The following TDP2 variants were observed in gnomAD, a reference collection of about 807,000 sequenced individuals.
TDP2 encodes the protein tyrosyl-DNA phosphodiesterase 2.
A neutral mutation model predicts 42.8 loss-of-function variants in TDP2; 38 were observed. That is an observed-to-expected ratio of 0.89 (90% confidence interval 0.68 to 1.16). The LOEUF is 1.16. Ranked by LOEUF, TDP2 falls within the 50% of genes most tolerant of loss-of-function variation. The pLI, the probability that TDP2 is intolerant of heterozygous loss-of-function variation, is 0.00. For synonymous variants in TDP2, 173 were observed against 150.6 expected, an observed-to-expected ratio of 1.15 and a Z score of -1.09; for missense variants, 439 against 439.3, an observed-to-expected ratio of 1.00 and a Z score of 0.01.
rs200729725 is a variant in TDP2 at position 24,650,954 on chromosome 6, G to C, written c.923C>G (p.Thr308Ser). Reference protein sequence around the residue: ...DTQMNSNLGITAACKLRFDRI... With the variant: ...DTQMNSNLGISAACKLRFDRI... ...ATCAAAACGAAGTTTACAAGCAGCA[G>C]TTATTCCAAGATTAGAGTTCATTTG... The change falls in exon 7 of 7, where the codon ACT becomes AGT. Residue 308 changes from threonine (T) to serine (S), a missense_variant. By Grantham distance (58) the Thr-to-Ser change is moderately conservative (BLOSUM62 1). Coordinates refer to ENST00000378198, the MANE Select transcript of TDP2 (RefSeq NM_016614.3). The C allele has an allele frequency of 9.4e-5, 151 of 1,614,138 alleles. 1 individual carries two copies. In the East Asian group the frequency reaches 2.3e-3, roughly 25 times the overall value.
At chr6:24,654,686 G>A (rs969451566) in intron 4 of TDP2, among the ~76,000 whole-genome samples, 156 bp from the exon 5 acceptor site, 8 of 152,052 alleles carry the variant, frequency 5.3e-5, no homozygotes, top group African/African-American at 1.9e-4. Flanking sequence ...AGTTCATCAT[G>A]GCCAAACAAG....
chr6:24,665,966 G>A, intron 2 of TDP2: 1 of 1,047,058 alleles, frequency 9.6e-7, no homozygotes, highest in Non-Finnish European at 1.3e-6. Flanking sequence ...AGTTTGATAG[G>A]CCTGGAACCT....
chr6:24,658,573 G>A lies in TDP2; in HGVS notation c.413C>T (p.Ser138Phe), dbSNP rs756022937. 1.9e-6 allele frequency: 3 copies of A among 1,610,698 alleles called. No homozygotes were observed. The South Asian group carries it at 3.3e-5, about 18-fold the overall frequency. Residue 138 changes from serine (S) to phenylalanine (F), a missense_variant, in exon 3 of 7, where the codon TCC (serine) becomes TTC (phenylalanine). Transcript: ENST00000378198. The stretch of plus-strand genomic sequence containing the variant: ...TGATAATACTTACAAAGCTAAGTAG[G>A]AACACACCCCTCGAGCCCTCTCTGA... Reference protein sequence around the residue: ...NLSERARGVCSYLALYSPDVI... With the variant: ...NLSERARGVCFYLALYSPDVI...
In TDP2 at chr6:24,663,668, C is replaced by G. The variant is rs376083649; in HGVS notation, c.251+2858G>C. 1.5e-3 allele frequency among the ~76,000 whole-genome samples: 223 copies of G among 152,264 alleles called. 1 individual carries two copies. Among genetic ancestry groups the G allele is most frequent in the African/African-American group, 5.1e-3 (211 of 41,546 alleles). ...TTAAAAGTATGTGGCACCACCCCACCCCCTTGCTCCTGCGCTCTCCATGTG... is the reference window on the plus strand; with the variant it reads ...TTAAAAGTATGTGGCACCACCCCACGCCCTTGCTCCTGCGCTCTCCATGTG... On this transcript the variant is annotated intron_variant, in intron 2 of 6. Transcript: ENST00000378198.
At position 24,653,103 on chromosome 6, in the gene TDP2, G is replaced by A; in HGVS notation, c.687C>T (p.Ser229=). Residue 229 remains serine (S), a synonymous_variant, in exon 6 of 7, where the codon AGC becomes AGT. Coordinates refer to ENST00000378198, the MANE Select transcript of TDP2 (RefSeq NM_016614.3). The part of the protein sequence containing the change: ...ELCLMTSHLE[S]TRGHAAERMN... ...TTCGTTCCGCAGCATGCCCTCTGGT[G>A]CTCTCCAAATGGGATGTCATAAGGC... 6.2e-7 allele frequency: 1 copy of A among 1,614,084 alleles called. No homozygotes were observed. The highest frequency in any genetic ancestry group is 1.1e-5 in the South Asian group (1 of 91,080).
chr6:24,650,965 A>G lies in TDP2; in HGVS notation c.912T>C (p.Asn304=), dbSNP rs372592899. 16 of 1,614,022 alleles carry G rather than the reference A, an allele frequency of 9.9e-6. No homozygotes were observed. Among genetic ancestry groups the G allele is most frequent in the South Asian group, 1.1e-5 (1 of 91,080 alleles). Reference sequence around the variant, plus strand: ...GTTTACAAGCAGCAGTTATTCCAAGATTAGAGTTCATTTGTGTATCCCATG... The same window carrying G: ...GTTTACAAGCAGCAGTTATTCCAAGGTTAGAGTTCATTTGTGTATCCCATG... ...QYTWDTQMNS[N]LGITAACKLR... Residue 304 remains asparagine (N), a synonymous_variant, in exon 7 of 7, where the codon AAT becomes AAC. Coordinates refer to ENST00000378198, the MANE Select transcript of TDP2 (RefSeq NM_016614.3).
At chr6:24,659,655 T>A (rs1051977593) in intron 2 of TDP2, among the ~76,000 whole-genome samples, 6 of 152,228 alleles carry the variant, frequency 3.9e-5, no homozygotes, top group Non-Finnish European at 7.3e-5. Flanking sequence ...TGGAATTTTT[T>A]AAAATCATAT....
At chr6:24,657,141 G>A (rs1317975899) in intron 4 of TDP2, among the ~76,000 whole-genome samples, 1 of 152,192 alleles carries the variant, frequency 6.6e-6, no homozygotes, top group Non-Finnish European at 1.5e-5. Context: ...AGTAAATACG[G>A]TTGGTCCTCT....
intron 2 of TDP2, among the ~76,000 whole-genome samples, chr6:24,664,715 A>G (rs1467608089): frequency 6.6e-6 from 1 of 152,132 alleles, no homozygotes; most frequent in Non-Finnish European, 1.5e-5. Flanking sequence ...AAATCTAATC[A>G]GGTCACAGGC....
chr6:24,651,567 CACAAT>C (rs1305519080), intron 6 of TDP2, among the ~76,000 whole-genome samples: 9 of 151,832 alleles, frequency 5.9e-5, no homozygotes, highest in African/African-American at 2.2e-4. Context: ...GTAAAATATA[CACAAT>C]ACAAGATTTA....
Position 24,650,539 on chromosome 6 carries a change from A to C in TDP2, c.*249T>G. ...TGGAATCCAGCTGGCAGCTATAAGCACCGTTGAAAACTCTGACAGGCTTTG... is the reference window on the plus strand; with the variant it reads ...TGGAATCCAGCTGGCAGCTATAAGCCCCGTTGAAAACTCTGACAGGCTTTG... On this transcript the variant is annotated 3_prime_UTR_variant, in exon 7 of 7. Transcript: ENST00000378198. 1 of 473,210 alleles carries C rather than the reference A, an allele frequency of 2.1e-6. No individual in the cohort carries two copies. The allele number at this position is 473,210 out of a possible 1,614,324, so 29.3% of individuals were successfully genotyped here. A position where few individuals can be genotyped will look rare whatever the true frequency, so the allele number is the denominator to read the frequency against.
chr6:24,657,963 T>C, intron 3 of TDP2, 60 bp from the exon 4 acceptor site: 2 of 1,198,926 alleles, frequency 1.7e-6, no homozygotes, highest in East Asian at 2.5e-5. Context: ...TTCAGCTACC[T>C]AAATGAAGGA....
chr6:24,663,447 CCT>C (rs1778186196), intron 2 of TDP2, among the ~76,000 whole-genome samples: 1 of 152,312 alleles, frequency 6.6e-6, no homozygotes, highest in South Asian at 2.1e-4. Flanking sequence ...ATCCTTTCCT[CCT>C]CTGTTTCATT....
rs757575420 is a variant in TDP2, at chr6:24,654,419, C to T, written c.629G>A (p.Cys210Tyr). Residue 210 changes from cysteine to tyrosine, a missense_variant, in exon 5 of 7, where the codon TGT becomes TAT. Transcript: ENST00000378198. ...PSTKMMRNLL[C>Y]VHVNVSGNEL... is the part of the protein sequence containing the mutation. ...TTTTTAAAAATTACTCACATGCACA[C>T]ATAAAAGGTTTCTCATCATTTTGGT... 2.1e-5 allele frequency: 31 copies of T among 1,462,192 alleles called. 1 individual carries two copies. In the South Asian group the frequency reaches 3.7e-4, roughly 18 times the overall value. The allele number at this position is 1,462,192 out of a possible 1,614,324, so 90.6% of individuals were successfully genotyped here.
intron 4 of TDP2, among the ~76,000 whole-genome samples, chr6:24,655,954 T>C (rs1778055195): frequency 6.6e-6 from 1 of 152,208 alleles, no homozygotes; most frequent in South Asian, 2.1e-4. Flanking sequence ...TGCTCAGGCA[T>C]ACTAAACTGT....
chr6:24,653,043 T>C lies in TDP2; in HGVS notation c.747A>G (p.Gln249=), dbSNP rs774278694. 2 of 1,614,146 alleles carry C rather than the reference T, an allele frequency of 1.2e-6. No individual in the cohort carries two copies. The highest frequency in any genetic ancestry group is 1.3e-5 in the African/African-American group (1 of 75,054). ...NQLKMVLKKM[Q]EAPESATVIF... is the part of the protein sequence containing the mutation. ...TAACTGTAGCTGACTCTGGAGCCTC[T>C]TGCATTTTCTTTAAAACCATTTTTA... The change falls in exon 6 of 7, where the codon CAA becomes CAG. Residue 249 remains glutamine, a synonymous_variant. Transcript: ENST00000378198.
At chr6:24,658,177 T>C (rs971876618) in intron 3 of TDP2, among the ~76,000 whole-genome samples, 2 of 152,248 alleles carry the variant, frequency 1.3e-5, no homozygotes, top group Admixed American at 1.3e-4. Flanking sequence ...CACTAAGAGA[T>C]GCTTTCAATG....
chr6:24,658,952 A>G, intron 2 of TDP2: 1 of 530,828 alleles, frequency 1.9e-6, no homozygotes, highest in Non-Finnish European at 3.3e-6. Context: ...TTGTACGGAA[A>G]GTCATCCCAT....
At chr6:24,663,822 C>A (rs1490140200) in intron 2 of TDP2, among the ~76,000 whole-genome samples, 1 of 152,174 alleles carries the variant, frequency 6.6e-6, no homozygotes, top group Non-Finnish European at 1.5e-5. Flanking sequence ...TTATAAATTA[C>A]CCAGTCTCAG....
Sources: gnomAD v4.1 joint callset for allele counts (sites outside exome capture counted in the v4.1 genomes callset) on GRCh38, gnomAD v4.1.1 for gene constraint, MANE v1.5 for transcripts, NCBI Gene and HGNC (gene_info 2026-07-23, HGNC 2026-07-21) for gene names.